Variants in AUH observed in about 807,000 individuals in gnomAD.
AUH encodes AU RNA binding methylglutaconyl-CoA hydratase.
AUH carries 29 observed loss-of-function variants against 42.3 expected under a neutral mutation model. The ratio of observed to expected loss-of-function variants is 0.69; its 90% CI spans 0.51 to 0.93. AUH has a LOEUF of 0.93. Ranked by LOEUF, AUH falls within the 40% of genes least tolerant of loss-of-function variation. The probability of loss-of-function intolerance (pLI) is 0.00; values close to 1 mark genes in which losing one functional copy is unlikely to be tolerated. For missense variants in AUH, 452 were observed against 438.1 expected (o/e 1.03, Z -0.28); for synonymous variants, 174 against 166.4 (o/e 1.05, Z -0.35).
intron 6 of AUH, among the ~76,000 whole-genome samples, chr9:91,258,053 G>T (rs1829501697): frequency 6.6e-6 from 1 of 152,060 alleles, no homozygotes. Flanking sequence ...CTTTGCAATG[G>T]TCATTGCTAG....
chr9:91,215,950 G>A, intron 9 of AUH, 109 bp downstream of exon 9: 1 of 1,161,360 alleles, frequency 8.6e-7, no homozygotes, highest in Non-Finnish European at 1.3e-6. Context: ...GTATGATTTT[G>A]GAATGGGCGC....
intron 4 of AUH, among the ~76,000 whole-genome samples, chr9:91,317,454 T>C (rs1331787655): frequency 6.6e-6 from 1 of 152,238 alleles, no homozygotes; most frequent in Non-Finnish European, 1.5e-5. Context: ...TATCCTTACT[T>C]GACATCTTTT....
intron 6 of AUH, among the ~76,000 whole-genome samples, chr9:91,273,251 G>A (rs983836813): frequency 1.3e-5 from 2 of 152,148 alleles, no homozygotes; most frequent in Non-Finnish European, 2.9e-5. Flanking sequence ...GATTTGGAAA[G>A]GGGGATTAAG....
At chr9:91,270,911 A>G (rs1289873552) in intron 6 of AUH, among the ~76,000 whole-genome samples, 1 of 152,190 alleles carries the variant, frequency 6.6e-6, no homozygotes, top group Non-Finnish European at 1.5e-5. Context: ...GCCCAATTAA[A>G]AAGGATGAAA....
At chr9:91,234,986 T>C (rs991242667) in intron 6 of AUH, among the ~76,000 whole-genome samples, 5 of 151,410 alleles carry the variant, frequency 3.3e-5, no homozygotes, top group Admixed American at 2.6e-4. Flanking sequence ...TACAAAGATG[T>C]AAAGATGAGG....
intron 6 of AUH, among the ~76,000 whole-genome samples, chr9:91,241,179 T>C (rs577564514): frequency 6.6e-6 from 1 of 152,162 alleles, no homozygotes; most frequent in Non-Finnish European, 1.5e-5. Context: ...CCCAGGTACA[T>C]GGAAACTGTC....
At chr9:91,356,517 C>T (rs1475042721) in intron 1 of AUH, among the ~76,000 whole-genome samples, 1 of 152,160 alleles carries the variant, frequency 6.6e-6, no homozygotes, top group African/African-American at 2.4e-5. Context: ...TTAATATCTC[C>T]ATTTTTTTGT....
intron 3 of AUH, among the ~76,000 whole-genome samples, chr9:91,339,873 C>T (rs981054672): frequency 6.6e-6 from 1 of 152,156 alleles, no homozygotes; most frequent in African/African-American, 2.4e-5. Flanking sequence ...TGGTAGAAGG[C>T]AGGGGTACCC....
Position 91,361,702 on chromosome 9 carries a change from G to C in AUH, c.188C>G (p.Pro63Arg). ...GWVPAAGGPAPKRGYSSEMKT... is the reference protein window; with the variant it reads ...GWVPAAGGPARKRGYSSEMKT... Reference sequence around the variant, plus strand: ...CATCTCAGAGCTGTAGCCCCTTTTCGGGGCGGGACCCCCGGCCGCAGGTAC... The same window carrying C: ...CATCTCAGAGCTGTAGCCCCTTTTCCGGGCGGGACCCCCGGCCGCAGGTAC... The change falls in exon 1 of 10, where the codon CCG becomes CGG. Residue 63 changes from proline (P) to arginine (R), a missense_variant. Coordinates refer to ENST00000375731, the MANE Select transcript of AUH (RefSeq NM_001698.3). The C allele has an allele frequency of 6.4e-7, 1 of 1,559,044 alleles. No homozygotes were observed. The highest frequency in any genetic ancestry group is 8.7e-7 in the Non-Finnish European group (1 of 1,151,912).
chr9:91,340,587 A>G (rs1831031166), intron 3 of AUH, among the ~76,000 whole-genome samples: 2 of 152,234 alleles, frequency 1.3e-5, no homozygotes, highest in African/African-American at 4.8e-5. Context: ...CAAATCTAGC[A>G]TTCACCCAAA....
chr9:91,224,569 GT>G lies in AUH; in HGVS notation c.656-3578del, dbSNP rs1461854340. ...TTTTTCTTTATGCTTTCTTCTAAGA[GT>G]TGTATACTTTTAGTTCTTATGCTAT... On this transcript the variant is annotated intron_variant, in intron 6 of 9. Transcript: ENST00000375731. Among the ~76,000 whole-genome samples the G allele has an allele frequency of 4.6e-5, 7 of 152,234 alleles. No individual in the cohort carries two copies. In the East Asian group the frequency reaches 1.3e-3, roughly 29 times the overall value.
chr9:91,270,173 A>G (rs940998123), intron 6 of AUH, among the ~76,000 whole-genome samples: 7 of 152,240 alleles, frequency 4.6e-5, no homozygotes, highest in Admixed American at 3.3e-4. Context: ...GAAGACTCTC[A>G]GAGACCATCA....
At chr9:91,354,320 A>G (rs1832241960) in intron 3 of AUH, among the ~76,000 whole-genome samples, 1 of 152,266 alleles carries the variant, frequency 6.6e-6, no homozygotes, top group Non-Finnish European at 1.5e-5. Flanking sequence ...ACAAATCTTG[A>G]GTTAAAAGAT....
chr9:91,263,710 T>C (rs977365072), intron 6 of AUH, among the ~76,000 whole-genome samples: 1 of 152,256 alleles, frequency 6.6e-6, no homozygotes, highest in Admixed American at 6.5e-5. Context: ...ACTATTCTTG[T>C]ATTTCATTCT....
intron 3 of AUH, among the ~76,000 whole-genome samples, chr9:91,344,763 G>A (rs1831359393): frequency 6.6e-6 from 1 of 152,054 alleles, no homozygotes; most frequent in Non-Finnish European, 1.5e-5. Flanking sequence ...CAGAACTACA[G>A]ACCTTACAAT....
At chr9:91,349,450 C>T (rs1831779850) in intron 3 of AUH, among the ~76,000 whole-genome samples, 1 of 152,150 alleles carries the variant, frequency 6.6e-6, no homozygotes, top group Non-Finnish European at 1.5e-5. Context: ...AAAAACAATG[C>T]ATGTGCACTT....
rs540690843 is a variant in AUH, at chr9:91,222,341, C to T, written c.656-1349G>A. Among the ~76,000 whole-genome samples the T allele has an allele frequency of 2.0e-5, 3 of 152,036 alleles. No homozygotes were observed. The East Asian group carries it at 5.8e-4, about 29-fold the overall frequency. On this transcript the variant is annotated intron_variant, in intron 6 of 9. Coordinates refer to ENST00000375731, the MANE Select transcript of AUH (RefSeq NM_001698.3). ...TTATTAAGCAAACCATGTTAAGAACCGTAATTAATATTTAGAACACAGGTA... is the reference window on the plus strand; with the variant it reads ...TTATTAAGCAAACCATGTTAAGAACTGTAATTAATATTTAGAACACAGGTA...
chr9:91,277,175 T>C (rs1825611130), intron 6 of AUH, among the ~76,000 whole-genome samples: 2 of 152,186 alleles, frequency 1.3e-5, no homozygotes, highest in African/African-American at 2.4e-5. Context: ...GATTTCCACA[T>C]ACCTTTTAAA....
intron 6 of AUH, among the ~76,000 whole-genome samples, chr9:91,278,995 A>C (rs1332195655): frequency 6.6e-6 from 1 of 152,210 alleles, no homozygotes; most frequent in Non-Finnish European, 1.5e-5. Context: ...GGTGGCATGA[A>C]AAAACTTTTA....
Sources: gnomAD v4.1 joint callset for allele counts (sites outside exome capture counted in the v4.1 genomes callset) on GRCh38, gnomAD v4.1.1 for gene constraint, MANE v1.5 for transcripts, NCBI Gene and HGNC (gene_info 2026-07-23, HGNC 2026-07-21) for gene names.